DERPC: variants seen among roughly 807,000 people sequenced by gnomAD.
The protein encoded by DERPC is decreased expression in renal and prostate cancer protein.
Under a neutral mutation model 7.2 loss-of-function variants are expected in DERPC, and 1 was observed. The observed-to-expected ratio is 0.14, with a 90% CI of 0.05 to 0.66. The LOEUF (loss-of-function observed/expected upper bound fraction) is 0.66, where lower values mean the gene tolerates loss of function less well. DERPC is among the 30% of genes least tolerant of loss of function. The pLI, the probability that DERPC is intolerant of heterozygous loss-of-function variation, is 0.84. For synonymous variants in DERPC, 185 were observed against 117.6 expected (o/e 1.57, Z -3.71); for missense variants, 502 against 299.4 (o/e 1.68, Z -4.99).
chr16:69,132,445 C>T, intron 1 of DERPC, 39 bp downstream of exon 1: 1 of 181,092 alleles, frequency 5.5e-6, no homozygotes, highest in Non-Finnish European at 1.1e-5. Flanking sequence ...TCGGCCCTCG[C>T]TCCCCGCAGC....
intron 2 of DERPC, 197 bp downstream of exon 2, chr16:69,121,239 C>A (rs549595126): frequency 5.6e-4 from 796 of 1,433,864 alleles, no homozygotes; most frequent in Non-Finnish European, 7.3e-4. Flanking sequence ...CTCACACCAC[C>A]ATTTGAGGCC....
chr16:69,124,492 C>T (rs191864385), intron 1 of DERPC, among the ~76,000 whole-genome samples: 12 of 152,026 alleles, frequency 7.9e-5, no homozygotes, highest in East Asian at 1.9e-4. Flanking sequence ...GGCATGATCT[C>T]GGCTCACCAC....
intron 1 of DERPC, among the ~76,000 whole-genome samples, chr16:69,124,328 T>C (rs902135733): frequency 1.6e-4 from 24 of 152,294 alleles, no homozygotes; most frequent in Non-Finnish European, 2.1e-4. Flanking sequence ...AGTGGAAGGT[T>C]ATTAGTTCAA....
At chr16:69,129,681 C>T (rs368721760) in intron 1 of DERPC, among the ~76,000 whole-genome samples, 1 of 152,170 alleles carries the variant, frequency 6.6e-6, no homozygotes, top group Non-Finnish European at 1.5e-5. Context: ...TGAACCCTAA[C>T]CCCTCCACAA....
At chr16:69,131,055 C>G (rs1273211337) in intron 1 of DERPC, among the ~76,000 whole-genome samples, 1 of 152,128 alleles carries the variant, frequency 6.6e-6, no homozygotes, top group Non-Finnish European at 1.5e-5. Flanking sequence ...CTGAAGGGGA[C>G]AGGTCTATAC....
rs148167478 is a variant in DERPC, at chr16:69,129,061, C to A, written c.-280+3423G>T. Among the ~76,000 whole-genome samples, 40 of 151,376 alleles carry A rather than the reference C, an allele frequency of 2.6e-4. No homozygotes were observed. The East Asian group carries it at 7.4e-3, about 28-fold the overall frequency. On this transcript the variant is annotated intron_variant, in intron 1 of 2. Transcript: ENST00000519520. ...CCTGGGTGACAGAGCAAGATTCCAT[C>A]TCAAAAAACAGACAAACTGAAACAA...
Position 69,119,818 on chromosome 16 carries a change from C to G in DERPC, c.611G>C (p.Gly204Ala), listed in dbSNP as rs561835909. Reference sequence around the variant, plus strand: ...ATTGGGGTTTGGTCCTGGGCCCAGGCCAACTGGCCTAGGATTGGGAGGACC... The same window carrying G: ...ATTGGGGTTTGGTCCTGGGCCCAGGGCAACTGGCCTAGGATTGGGAGGACC... ...GNGPPNPRPV[G>A]LGPGPNPNLR... is the part of the protein sequence containing the mutation. Residue 204 changes from glycine (G) to alanine (A), a missense_variant, in exon 3 of 3, where the codon GGC becomes GCC. Transcript: ENST00000519520. The G allele has an allele frequency of 1.4e-6, 1 of 701,162 alleles. No individual in the cohort carries two copies. The highest frequency in any genetic ancestry group is 2.7e-5 in the East Asian group (1 of 37,234). The allele number at this position is 701,162 out of a possible 1,614,324, so 43.4% of individuals were successfully genotyped here.
At chr16:69,129,290 C>A (rs1962316301) in intron 1 of DERPC, among the ~76,000 whole-genome samples, 1 of 151,498 alleles carries the variant, frequency 6.6e-6, no homozygotes, top group Non-Finnish European at 1.5e-5. Context: ...ATTAGCCGGG[C>A]GTGGTGGCAG....
In DERPC at chr16:69,119,956, T is replaced by G. The variant is rs531325077; in HGVS notation, c.473A>C (p.Asn158Thr). 91 of 701,228 alleles carry G rather than the reference T, an allele frequency of 1.3e-4. 1 individual carries two copies. Among genetic ancestry groups the G allele is most frequent in the South Asian group, 1.3e-3 (85 of 67,572 alleles). The allele number at this position is 701,228 out of a possible 1,614,324, so 43.4% of individuals were successfully genotyped here. A position where few individuals can be genotyped will look rare whatever the true frequency, so the allele number is the denominator to read the frequency against. Residue 158 changes from asparagine (N) to threonine (T), a missense_variant, in exon 3 of 3, where the codon AAC becomes ACC. Coordinates refer to ENST00000519520, the MANE Select transcript of DERPC (RefSeq NM_001002847.4). ...TCCCAGGAGACCACCTGCCCTTGGG[T>G]TGGACATAGGACCTGGTCCTGGGAG... is the stretch of plus-strand genomic sequence containing the variant. The part of the protein sequence containing the change: ...GGLPGPGPMS[N>T]PRAGGLLGAG...
rs374573712 is a variant in DERPC at position 69,120,585 on chromosome 16, G to A, written c.-157C>T. ...AGTGTGTTTGACAAGGACTGCAAAAGGTTTCTCCAGGTGGATGATTTTCCC... is the reference window on the plus strand; with the variant it reads ...AGTGTGTTTGACAAGGACTGCAAAAAGTTTCTCCAGGTGGATGATTTTCCC... On this transcript the variant is annotated 5_prime_UTR_variant, in exon 3 of 3. Coordinates refer to ENST00000519520, the MANE Select transcript of DERPC (RefSeq NM_001002847.4). This position sits in a 1 kb window ranked among gnomAD's most constrained non-coding sequence, Gnocchi z 4.0. 6.2e-7 allele frequency: 1 copy of A among 1,614,086 alleles called. No individual in the cohort carries two copies. The highest frequency in any genetic ancestry group is 8.5e-7 in the Non-Finnish European group (1 of 1,179,990).
intron 1 of DERPC, among the ~76,000 whole-genome samples, chr16:69,127,515 G>C (rs577662866): frequency 2.6e-5 from 4 of 151,332 alleles, no homozygotes; most frequent in South Asian, 4.2e-4. Flanking sequence ...GCTCTATCAA[G>C]AGCATCTGAA....
chr16:69,132,028 C>A (rs949569107), intron 1 of DERPC: 16 of 153,424 alleles, frequency 1.0e-4, no homozygotes, highest in Admixed American at 5.2e-4. Flanking sequence ...TACTCCGCTC[C>A]CGCAAGCATA....
chr16:69,123,665 CAAT>C (rs756753097), intron 1 of DERPC, among the ~76,000 whole-genome samples: 133 of 152,166 alleles, frequency 8.7e-4, no homozygotes, highest in South Asian at 1.0e-3. Context: ...ATCAATCAAT[CAAT>C]AAATCCAAGG....
intron 1 of DERPC, among the ~76,000 whole-genome samples, chr16:69,129,888 C>T (rs1962370517): frequency 6.6e-6 from 1 of 152,210 alleles, no homozygotes; most frequent in Admixed American, 6.5e-5. Context: ...AACAAAGAAG[C>T]AGCTTGCTTT....
rs1961309503 is a variant in DERPC at position 69,118,222 on chromosome 16, G to A, written c.*632C>T. 1.6e-6 allele frequency: 1 copy of A among 619,492 alleles called. No individual in the cohort carries two copies. The highest frequency in any genetic ancestry group is 2.3e-5 in the Admixed American group (1 of 43,228). 38.4% of individuals were successfully genotyped at this position (619,492 alleles called of 1,614,324 possible). A position where few individuals can be genotyped will look rare whatever the true frequency, so the allele number is the denominator to read the frequency against. On this transcript the variant is annotated 3_prime_UTR_variant, in exon 3 of 3. Coordinates refer to ENST00000519520, the MANE Select transcript of DERPC (RefSeq NM_001002847.4). ...TACCAGTGAAGAGGGAGTTGGATGA[G>A]TAGAGGGGCCTTAAATCTGGCCACC... is the stretch of plus-strand genomic sequence containing the variant.
At chr16:69,122,901 A>G (rs189690446) in intron 1 of DERPC, among the ~76,000 whole-genome samples, 1 of 151,120 alleles carries the variant, frequency 6.6e-6, no homozygotes, top group Non-Finnish European at 1.5e-5. Context: ...CTGGTCTCAA[A>G]CTCCTGACCT....
At position 69,118,164 on chromosome 16, in the gene DERPC, T is replaced by C; in HGVS notation, c.*690A>G. 1 of 324,108 alleles carries C rather than the reference T, an allele frequency of 3.1e-6. No homozygotes were observed. The highest frequency in any genetic ancestry group is 5.9e-6 in the Non-Finnish European group (1 of 170,384). The allele number at this position is 324,108 out of a possible 1,614,324, so 20.1% of individuals were successfully genotyped here. ...ATTCCCATATTCCCATCCACATCAGTTTAAATTTTGAGGTTCTTTGATTGA... is the reference window on the plus strand; with the variant it reads ...ATTCCCATATTCCCATCCACATCAGCTTAAATTTTGAGGTTCTTTGATTGA... On this transcript the variant is annotated 3_prime_UTR_variant, in exon 3 of 3. Transcript: ENST00000519520.
chr16:69,121,995 C>T (rs1045497597), intron 1 of DERPC, among the ~76,000 whole-genome samples: 6 of 151,600 alleles, frequency 4.0e-5, no homozygotes, highest in Non-Finnish European at 8.8e-5. Context: ...ACCATGTTGG[C>T]CAGGCTGGTC....
intron 1 of DERPC, among the ~76,000 whole-genome samples, chr16:69,129,472 C>G (rs1234545882): frequency 6.7e-6 from 1 of 150,114 alleles, no homozygotes; most frequent in Admixed American, 6.7e-5. Flanking sequence ...AAAGTCCAGG[C>G]AGAACATTAT....
Sources: allele counts gnomAD v4.1 joint callset (sites outside exome capture counted in the v4.1 genomes callset), GRCh38; gene constraint gnomAD v4.1.1; non-coding constraint Gnocchi (gnomAD v3.1); transcripts MANE v1.5; gene names NCBI Gene and HGNC (gene_info 2026-07-23, HGNC 2026-07-21).